Variants in LNX1 observed in about 807,000 individuals in gnomAD.
LNX1 encodes the protein ligand of numb-protein X 1, also known as E3 ubiquitin-protein ligase LNX.
LNX1 carries 54 observed loss-of-function variants against 68.4 expected under a neutral mutation model. The ratio of observed to expected loss-of-function variants is 0.79; its 90% CI spans 0.63 to 0.99. LNX1 has a LOEUF of 0.99. LNX1 is among the 50% of genes least tolerant of loss of function. LNX1 has a pLI of 0.00. For synonymous variants in LNX1, 336 were observed against 350.0 expected (o/e 0.96, Z 0.45); for missense variants, 906 against 926.4 (o/e 0.98, Z 0.29).
chr4:53,614,633 G>C (rs116523473), intron 2 of LNX1, among the ~76,000 whole-genome samples: 7 of 152,202 alleles, frequency 4.6e-5, no homozygotes, highest in African/African-American at 1.7e-4. Flanking sequence ...TTTTAGACTT[G>C]CCTAAGTTGT....
intron 6 of LNX1, among the ~76,000 whole-genome samples, chr4:53,493,167 C>T (rs1338683825): frequency 6.6e-6 from 1 of 152,108 alleles, no homozygotes; most frequent in Non-Finnish European, 1.5e-5. Context: ...TGGGGTTTTA[C>T]CATGTTGGCC....
Position 53,507,584 on chromosome 4 carries a change from T to C in LNX1, c.623-115A>G, listed in dbSNP as rs1259817598. On this transcript the variant is annotated intron_variant, in intron 3 of 10. Coordinates refer to ENST00000263925, the MANE Select transcript of LNX1 (RefSeq NM_001126328.3). ...ATTAACAGTGACTACCTCTGGGTGG[T>C]AGGATTGTAGAATTTGCTTACCTGT... The C allele has an allele frequency of 7.6e-6, 9 of 1,176,852 alleles. No homozygotes were observed. In the South Asian group the frequency reaches 8.6e-5, roughly 11 times the overall value. The allele number at this position is 1,176,852 out of a possible 1,614,324, so 72.9% of individuals were successfully genotyped here.
intron 2 of LNX1, among the ~76,000 whole-genome samples, chr4:53,608,735 A>AT (rs1416819937): frequency 1.3e-5 from 2 of 152,290 alleles, no homozygotes; most frequent in East Asian, 3.9e-4. Context: ...GGTAGAATGG[A>AT]TAAAAAAAAT....
intron 2 of LNX1, among the ~76,000 whole-genome samples, chr4:53,553,641 G>A (rs1228232901): frequency 1.3e-5 from 2 of 152,130 alleles, no homozygotes; most frequent in African/African-American, 2.4e-5. Context: ...CAAAAAGAAT[G>A]TTCATGGAGG....
intron 2 of LNX1, among the ~76,000 whole-genome samples, chr4:53,555,531 T>C (rs1402356451): frequency 1.3e-5 from 2 of 152,200 alleles, no homozygotes; most frequent in African/African-American, 4.8e-5. Context: ...TTATATCTCT[T>C]ATGTGTATAA....
chr4:53,570,761 C>G (rs1333326020), intron 2 of LNX1, among the ~76,000 whole-genome samples: 1 of 151,442 alleles, frequency 6.6e-6, no homozygotes, highest in Non-Finnish European at 1.5e-5. Flanking sequence ...GGCGTGGTGG[C>G]TCACGCCTGT....
chr4:53,466,537 G>C (rs1242915533), intron 9 of LNX1, among the ~76,000 whole-genome samples: 1 of 152,180 alleles, frequency 6.6e-6, no homozygotes, highest in African/African-American at 2.4e-5. Flanking sequence ...AGCAGGGCAA[G>C]GCGTCGCCTC....
At chr4:53,518,970 T>C (rs1471933678) in intron 2 of LNX1, among the ~76,000 whole-genome samples, 3 of 152,228 alleles carry the variant, frequency 2.0e-5, no homozygotes, top group Non-Finnish European at 4.4e-5. Flanking sequence ...ATCTTCAGCC[T>C]GGAGTTGACA....
intron 9 of LNX1, among the ~76,000 whole-genome samples, chr4:53,468,452 A>G (rs534014960): frequency 6.6e-6 from 1 of 152,346 alleles, no homozygotes; most frequent in African/African-American, 2.4e-5. Context: ...CAAGCTAACC[A>G]GCAAACATCA....
At chr4:53,483,092 G>A (rs377026724) in intron 6 of LNX1, among the ~76,000 whole-genome samples, 3 of 152,040 alleles carry the variant, frequency 2.0e-5, no homozygotes, top group East Asian at 1.9e-4. Flanking sequence ...ATATGTCATC[G>A]GAGGGACCTG....
intron 2 of LNX1, among the ~76,000 whole-genome samples, chr4:53,609,593 A>G (rs961979976): frequency 6.8e-6 from 1 of 146,384 alleles, no homozygotes; most frequent in African/African-American, 2.5e-5. Context: ...ATATATAATT[A>G]TATATTATAT....
intron 4 of LNX1, among the ~76,000 whole-genome samples, chr4:53,506,856 TAAAA>T (rs59260730): frequency 3.7e-5 from 2 of 54,206 alleles, no homozygotes; most frequent in East Asian, 4.2e-4. Flanking sequence ...AAACTCTGTC[TAAAA>T]AAAAAAAAAA....
chr4:53,549,078 T>C (rs1361992350), intron 2 of LNX1, among the ~76,000 whole-genome samples: 4 of 152,180 alleles, frequency 2.6e-5, no homozygotes, highest in Non-Finnish European at 5.9e-5. Flanking sequence ...CTGGGTTTAA[T>C]ACCTATGTGA....
intron 2 of LNX1, among the ~76,000 whole-genome samples, chr4:53,533,706 C>T (rs1227287836): frequency 6.6e-6 from 1 of 152,144 alleles, no homozygotes; most frequent in Non-Finnish European, 1.5e-5. Flanking sequence ...AGCCTGGAGA[C>T]ATTTTTGATT....
At chr4:53,569,122 A>G (rs1240003309) in intron 2 of LNX1, among the ~76,000 whole-genome samples, 2 of 151,926 alleles carry the variant, frequency 1.3e-5, no homozygotes, top group African/African-American at 4.8e-5. Flanking sequence ...CATCCCCATC[A>G]AGCTACCAAT....
chr4:53,567,360 T>G (rs1395731417), intron 2 of LNX1, among the ~76,000 whole-genome samples: 2 of 148,768 alleles, frequency 1.3e-5, no homozygotes, highest in Non-Finnish European at 3.0e-5. Context: ...ACCACTCAAC[T>G]ACATGGAAAC....
At chr4:53,645,141 G>T (rs1009364990) in intron 1 of LNX1, among the ~76,000 whole-genome samples, 1 of 152,116 alleles carries the variant, frequency 6.6e-6, no homozygotes, top group Non-Finnish European at 1.5e-5. Context: ...TTTTTCTCCT[G>T]GGGCAGGAGT....
chr4:53,571,203 A>G (rs1731145831), intron 2 of LNX1, among the ~76,000 whole-genome samples: 1 of 151,818 alleles, frequency 6.6e-6, no homozygotes, highest in Admixed American at 6.6e-5. Context: ...TATTTTTAGT[A>G]GAGACAGGGT....
intron 1 of LNX1, among the ~76,000 whole-genome samples, chr4:53,628,326 C>G (rs796534483): frequency 3.3e-5 from 5 of 152,142 alleles, no homozygotes; most frequent in Admixed American, 1.3e-4. Context: ...AAAAAGTAGG[C>G]AAATGGCATG....
Sources: allele counts gnomAD v4.1 joint callset (sites outside exome capture counted in the v4.1 genomes callset), GRCh38; gene constraint gnomAD v4.1.1; transcripts MANE v1.5; gene names NCBI Gene and HGNC (gene_info 2026-07-23, HGNC 2026-07-21).